Variants in DIP2A observed in about 807,000 individuals in gnomAD.
DIP2A encodes the protein DIP2 acetate--CoA ligase A.
A neutral mutation model predicts 177.4 loss-of-function variants in DIP2A; 85 were observed. The ratio of observed to expected loss-of-function variants is 0.48; its 90% confidence interval spans 0.40 to 0.57. DIP2A has a LOEUF of 0.57. Ranked by LOEUF, DIP2A falls within the 20% of genes least tolerant of loss-of-function variation. The pLI, the probability that DIP2A is intolerant of heterozygous loss-of-function variation, is 0.00. For missense variants in DIP2A, 1,791 were observed against 2,100.2 expected, an observed-to-expected ratio of 0.85 and a Z score of 2.88; for synonymous variants, 886 against 881.8, an observed-to-expected ratio of 1.00 and a Z score of -0.08.
At chr21:46,561,213 T>G (rs770739329) in intron 33 of DIP2A, 12 of 282,048 alleles carry the variant, frequency 4.3e-5, no homozygotes, top group Non-Finnish European at 7.7e-5. Flanking sequence ...CATTTGGTTT[T>G]TAGAGGGATA....
At chr21:46,541,693 G>A in intron 17 of DIP2A, 63 bp from the exon 18 acceptor site, 2 of 1,602,252 alleles carry the variant, frequency 1.2e-6, no homozygotes, top group Non-Finnish European at 1.7e-6. Flanking sequence ...AGGCAAGGTG[G>A]GCCCACCTCC....
chr21:46,576,880 C>T, the DIP2A span, among the ~76,000 whole-genome samples: 5 of 152,046 alleles, frequency 3.3e-5, no homozygotes, highest in Non-Finnish European at 7.4e-5. Context: ...TAATGATCAG[C>T]GATATTGAGC....
intron 1 of DIP2A, among the ~76,000 whole-genome samples, chr21:46,481,559 T>C (rs1196075084): frequency 6.6e-6 from 1 of 152,226 alleles, no homozygotes; most frequent in Admixed American, 6.5e-5. Context: ...GGCTATACCA[T>C]TTTGCATGCC....
rs759175111 is a variant in DIP2A at position 46,567,608 on chromosome 21, G to T, written c.4702G>T (p.Ala1568Ser). The T allele has an allele frequency of 6.2e-6, 10 of 1,600,716 alleles. No homozygotes were observed. Among genetic ancestry groups the T allele is most frequent in the South Asian group, 1.1e-5 (1 of 88,744 alleles). Residue 1568 changes from alanine (A) to serine (S), a missense_variant, in exon 38 of 38, where the codon GCC becomes TCC. Physicochemically the swap from Ala to Ser is moderately conservative, Grantham distance 99. Coordinates refer to ENST00000417564, the MANE Select transcript of DIP2A (RefSeq NM_015151.4). The part of the protein sequence containing the change: ...LADQLDPIYV[A>S]YNM ...TGACCAGCTGGACCCCATCTATGTCGCCTACAACATGTGAGCGCAGCACAC... is the reference window on the plus strand; with the variant it reads ...TGACCAGCTGGACCCCATCTATGTCTCCTACAACATGTGAGCGCAGCACAC...
At chr21:46,559,864 G>A (rs1268608073) in intron 32 of DIP2A, among the ~76,000 whole-genome samples, 1 of 152,184 alleles carries the variant, frequency 6.6e-6, no homozygotes, top group Non-Finnish European at 1.5e-5. Flanking sequence ...GGCTGAGCAG[G>A]TATGACCTTG....
chr21:46,553,995 C>A lies in DIP2A; in HGVS notation c.3031-174C>A, dbSNP rs1476458795. ...CCTGGCCAACATGGTGAAACCCCAT[C>A]TCTACCAAAAAAAAGACACCAGCCG... On this transcript the variant is annotated intron_variant, in intron 25 of 37. Transcript: ENST00000417564. 6.2e-6 allele frequency: 5 copies of A among 807,322 alleles called. 1 individual carries two copies. In the African/African-American group the frequency reaches 8.8e-5, roughly 14 times the overall value. The allele number at this position is 807,322 out of a possible 1,614,324, so 50.0% of individuals were successfully genotyped here. A position where few individuals can be genotyped will look rare whatever the true frequency, so the allele number is the denominator to read the frequency against.
intron 26 of DIP2A, 28 bp from the exon 27 acceptor site, chr21:46,554,547 T>G (rs1400321214): frequency 1.9e-6 from 3 of 1,604,628 alleles, no homozygotes; most frequent in South Asian, 1.1e-5. Context: ...GCGGCCGGCC[T>G]CCTCACAGCC....
rs117195797 is a variant in DIP2A, at chr21:46,506,645, C to G, written c.784+2156C>G. On this transcript the variant is annotated intron_variant, in intron 6 of 37. Transcript: ENST00000417564. ...GTGTGTTGAACATCTTTTTATGCAC[C>G]TATTTGCCATCTGTGTATCTCTTGA... Among the ~76,000 whole-genome samples the G allele has an allele frequency of 7.3e-3, 1,104 of 151,824 alleles. 6 individuals carry two copies. Among genetic ancestry groups the G allele is most frequent in the Non-Finnish European group, 0.011 (739 of 67,956 alleles).
At chr21:46,547,619 G>A (rs1246534446) in intron 21 of DIP2A, among the ~76,000 whole-genome samples, 2 of 144,436 alleles carry the variant, frequency 1.4e-5, no homozygotes, top group African/African-American at 5.1e-5. Context: ...CACTCAACCA[G>A]CTGCCTTTTT....
At chr21:46,574,417 T>C (rs2060981631), downstream of DIP2A, among the ~76,000 whole-genome samples, 1 of 151,892 alleles carries the variant, frequency 6.6e-6, no homozygotes, top group African/African-American at 2.4e-5. Context: ...ACATTACAAC[T>C]TAAGAAACTA....
downstream of DIP2A, among the ~76,000 whole-genome samples, chr21:46,573,666 A>T: frequency 8.7e-6 from 1 of 115,380 alleles, no homozygotes; most frequent in Non-Finnish European, 1.9e-5. Flanking sequence ...AAAAAAAAAA[A>T]AAAAAAAAAA....
chr21:46,554,057 G>A (rs968887817), intron 25 of DIP2A, 112 bp from the exon 26 acceptor site: 41 of 1,366,374 alleles, frequency 3.0e-5, no homozygotes, highest in Admixed American at 7.6e-5. Context: ...TATCATGGAC[G>A]CTAATCACAA....
At position 46,459,043 on chromosome 21, in the gene DIP2A, C is replaced by A; in HGVS notation, c.-89C>A. The A allele has an allele frequency of 8.8e-7, 1 of 1,133,420 alleles. No homozygotes were observed. Among genetic ancestry groups the A allele is most frequent in the Non-Finnish European group, 1.2e-6 (1 of 851,194 alleles). The allele number at this position is 1,133,420 out of a possible 1,614,324, so 70.2% of individuals were successfully genotyped here. ...CGCCTGGCGGATGTAGGTTGTTGGC[C>A]TGAGGGGAGCTACGTAGCCGAGGTT... On this transcript the variant is annotated 5_prime_UTR_variant, in exon 1 of 38. The change creates a new upstream start codon in the 5' untranslated region. Transcript: ENST00000417564.
Position 46,550,018 on chromosome 21 carries a change from A to G in DIP2A, c.2637+133A>G, listed in dbSNP as rs2060214960. On this transcript the variant is annotated intron_variant, in intron 22 of 37. Coordinates refer to ENST00000417564, the MANE Select transcript of DIP2A (RefSeq NM_015151.4). ...CCAGCTTTGTTTATCTGTATTTTTC[A>G]TTGCAAATTGACAAATTACAGCTGT... The G allele has an allele frequency of 4.7e-6, 7 of 1,497,576 alleles. No homozygotes were observed. In the East Asian group the frequency reaches 1.4e-4, roughly 30 times the overall value. 92.8% of individuals were successfully genotyped at this position (1,497,576 alleles called of 1,614,324 possible). A position where few individuals can be genotyped will look rare whatever the true frequency, so the allele number is the denominator to read the frequency against.
intron 2 of DIP2A, among the ~76,000 whole-genome samples, chr21:46,488,438 C>T (rs1028859807): frequency 2.0e-5 from 3 of 152,128 alleles, no homozygotes; most frequent in Non-Finnish European, 2.9e-5. Flanking sequence ...AGCTGCTACT[C>T]GCCAGGCCAC....
chr21:46,568,589 G>T lies in DIP2A; in HGVS notation c.*967G>T, dbSNP rs1255357119. 6.6e-6 allele frequency: 1 copy of T among 152,120 alleles called. No homozygotes were observed. The highest frequency in any genetic ancestry group is 1.5e-5 in the Non-Finnish European group (1 of 68,014). 9.4% of individuals were successfully genotyped at this position (152,120 alleles called of 1,614,324 possible). On this transcript the variant is annotated 3_prime_UTR_variant, in exon 38 of 38. Transcript: ENST00000417564. ...ACGGACACTCAATAAGTGCCATTTTGGACTGTCAAATTTAGATGCTTTGTT... is the reference window on the plus strand; with the variant it reads ...ACGGACACTCAATAAGTGCCATTTTTGACTGTCAAATTTAGATGCTTTGTT...
At chr21:46,533,734 G>A (rs773300379) in intron 11 of DIP2A, 87 bp downstream of exon 11, 17 of 1,564,424 alleles carry the variant, frequency 1.1e-5, no homozygotes, top group Non-Finnish European at 1.5e-5. Flanking sequence ...ACATGACAGA[G>A]GTGTCTGGGT....
chr21:46,531,043 T>G lies in DIP2A; in HGVS notation c.1195-1084T>G, dbSNP rs574290467. On this transcript the variant is annotated intron_variant, in intron 9 of 37. Transcript: ENST00000417564. ...TCGCAAGCACTTTCTTGTCAAGTTC[T>G]TAGAAGATGTCCCTCAGCCACATGA... Among the ~76,000 whole-genome samples the G allele has an allele frequency of 1.7e-3, 254 of 152,258 alleles. 2 individuals carry two copies. The highest frequency in any genetic ancestry group is 2.9e-3 in the Non-Finnish European group (195 of 68,014).
chr21:46,490,256 A>T (rs892608420), intron 2 of DIP2A, among the ~76,000 whole-genome samples: 1 of 152,144 alleles, frequency 6.6e-6, no homozygotes, highest in Non-Finnish European at 1.5e-5. Context: ...TGGAAACGTA[A>T]TTCAGAGGTG....
Sources: gnomAD v4.1 joint callset for allele counts (sites outside exome capture counted in the v4.1 genomes callset) on GRCh38, gnomAD v4.1.1 for gene constraint, MANE v1.5 for transcripts, NCBI Gene and HGNC (gene_info 2026-07-23, HGNC 2026-07-21) for gene names.